Variants in SS18L1 observed in about 807,000 individuals in gnomAD.
SS18L1 encodes SS18L1 subunit of BAF chromatin remodeling complex.
SS18L1 carries 32 observed loss-of-function variants against 70.3 expected under a neutral mutation model. The observed-to-expected ratio is 0.46, with a 90% CI of 0.34 to 0.61. The LOEUF (loss-of-function observed/expected upper bound fraction) is 0.61, where lower values mean the gene tolerates loss of function less well. Ranked by LOEUF, SS18L1 falls within the 20% of genes least tolerant of loss-of-function variation. SS18L1 has a pLI of 0.01. For missense variants in SS18L1, 430 were observed against 542.1 expected, an observed-to-expected ratio of 0.79 and a Z score of 2.05; for synonymous variants, 237 against 229.7, an observed-to-expected ratio of 1.03 and a Z score of -0.29.
rs761829812 is a variant in SS18L1, at chr20:62,174,633, G to T, written c.1153G>T (p.Gly385Cys). 6.2e-7 allele frequency: 1 copy of T among 1,613,630 alleles called. No homozygotes were observed. Among genetic ancestry groups the T allele is most frequent in the Non-Finnish European group, 8.5e-7 (1 of 1,180,036 alleles). ...GTCTGCCCAGCAGCAGCGGCCCTAC[G>T]GCTATGAACAGGCAAGCTTTCTGGA... ...APSAQQQRPY[G>C]YEQGQYGNYQ... The change falls in exon 10 of 11, where the codon GGC (glycine) becomes TGC (cysteine). Residue 385 changes from glycine to cysteine, a missense_variant. By Grantham distance (159) the Gly-to-Cys change is radical (BLOSUM62 -3). Coordinates refer to ENST00000331758, the MANE Select transcript of SS18L1 (RefSeq NM_198935.3). The surrounding 1 kb of genome is among the most constrained non-coding windows in gnomAD (Gnocchi z 4.1).
chr20:62,162,669 A>C, intron 4 of SS18L1, 83 bp from the exon 5 acceptor site: 1 of 1,445,166 alleles, frequency 6.9e-7, no homozygotes, highest in Non-Finnish European at 9.3e-7. Flanking sequence ...AAGTCACTTG[A>C]AGGGAAATTG....
At chr20:62,144,044 G>A (rs1023339421) in intron 1 of SS18L1, among the ~76,000 whole-genome samples, 155 bp downstream of exon 1, 2 of 148,308 alleles carry the variant, frequency 1.3e-5, no homozygotes, top group East Asian at 2.0e-4. Context: ...GCCCTTCCCC[G>A]CGTCCCACGC....
intron 1 of SS18L1, among the ~76,000 whole-genome samples, chr20:62,149,324 C>T (rs1055262100): frequency 1.3e-5 from 2 of 152,226 alleles, no homozygotes; most frequent in African/African-American, 4.8e-5. Context: ...TCCATGTGAT[C>T]ACAAGAGGAG....
intron 7 of SS18L1, 82 bp downstream of exon 7, chr20:62,164,328 T>C (rs1448707387): frequency 1.1e-5 from 14 of 1,324,980 alleles, no homozygotes; most frequent in Non-Finnish European, 1.4e-5. Context: ...GCAAGGAGGG[T>C]GTGGCCACTG....
chr20:62,148,431 G>C (rs1232472873), intron 1 of SS18L1, among the ~76,000 whole-genome samples: 1 of 147,666 alleles, frequency 6.8e-6, no homozygotes, highest in Non-Finnish European at 1.5e-5. Flanking sequence ...TAGGTCAGGT[G>C]AGGGAGGCTT....
intron 8 of SS18L1, among the ~76,000 whole-genome samples, chr20:62,168,643 A>AC (rs11480414): frequency 0.12 from 18,185 of 151,420 alleles, 1,265 homozygotes; most frequent in South Asian, 0.24. Flanking sequence ...ACATAGTAAG[A>AC]CCCCCTCTCT....
intron 1 of SS18L1, among the ~76,000 whole-genome samples, chr20:62,148,384 T>C (rs1394527472): frequency 6.6e-6 from 1 of 150,620 alleles, no homozygotes; most frequent in Non-Finnish European, 1.5e-5. Context: ...CTTGCTGTCT[T>C]AGGTCAGGTG....
In SS18L1 at chr20:62,179,645, C is replaced by T. The variant is rs2057678391; in HGVS notation, c.*437C>T. 2 of 165,388 alleles carry T rather than the reference C, an allele frequency of 1.2e-5. No homozygotes were observed. The highest frequency in any genetic ancestry group is 2.2e-4 in the East Asian group (2 of 8,920). The allele number at this position is 165,388 out of a possible 1,614,324, so 10.2% of individuals were successfully genotyped here. ...GTTGTAGTGTGGGTTGTCAACTTTT[C>T]TTTAACTGGCTACGCCACAGCTGGA... On this transcript the variant is annotated 3_prime_UTR_variant, in exon 11 of 11. Transcript: ENST00000331758.
chr20:62,144,241 G>C (rs1403104507), intron 1 of SS18L1, among the ~76,000 whole-genome samples: 8 of 151,780 alleles, frequency 5.3e-5, no homozygotes, highest in Non-Finnish European at 8.8e-5. Context: ...ACTGTCCTGG[G>C]CTATGCCGGG....
At chr20:62,147,350 G>A (rs757052064) in intron 1 of SS18L1, among the ~76,000 whole-genome samples, 6 of 152,106 alleles carry the variant, frequency 3.9e-5, no homozygotes, top group South Asian at 2.1e-4. Flanking sequence ...ATGTCCCCAC[G>A]GTGGCCCTGG....
Position 62,158,636 on chromosome 20 carries a change from C to A in SS18L1, c.70-36C>A. 6.2e-7 allele frequency: 1 copy of A among 1,607,216 alleles called. No individual in the cohort carries two copies. Among genetic ancestry groups the A allele is most frequent in the Non-Finnish European group, 8.5e-7 (1 of 1,178,492 alleles). On this transcript the variant is annotated intron_variant, in intron 1 of 10. Coordinates refer to ENST00000331758, the MANE Select transcript of SS18L1 (RefSeq NM_198935.3). The surrounding 1 kb of genome is among the most constrained non-coding windows in gnomAD (Gnocchi z 4.5). ...TTCATCCCGAGGGTCAGCGACAGCC[C>A]CGCGTCGGCAGCGCCCGCTCACGCT...
chr20:62,172,474 A>G lies in SS18L1; in HGVS notation c.917-208A>G, dbSNP rs181692884. On this transcript the variant is annotated intron_variant, in intron 8 of 10. Transcript: ENST00000331758. ...CGTTCATCTCTGTCTTAGTTGTCAT[A>G]TTAACCATTTCGTTTCTTAGCTTTC... is the stretch of plus-strand genomic sequence containing the variant. 5.8e-3 allele frequency among the ~76,000 whole-genome samples: 881 copies of G among 152,248 alleles called. 3 individuals carry two copies. Among genetic ancestry groups the G allele is most frequent in the Middle Eastern group, 0.037 (11 of 294 alleles).
intron 8 of SS18L1, among the ~76,000 whole-genome samples, chr20:62,172,078 C>T (rs1009997486): frequency 9.9e-5 from 15 of 151,464 alleles, no homozygotes; most frequent in Admixed American, 4.6e-4. Flanking sequence ...AGGAGAATGG[C>T]GTGAACCCGG....
chr20:62,160,041 A>ACC, intron 3 of SS18L1, 80 bp downstream of exon 3: 5 of 1,407,302 alleles, frequency 3.6e-6, no homozygotes, highest in Non-Finnish European at 4.9e-6. Context: ...TGGGCATGTC[A>ACC]TCTCAGGTAG....
chr20:62,149,788 G>A (rs1042974315), intron 1 of SS18L1, among the ~76,000 whole-genome samples: 3 of 152,218 alleles, frequency 2.0e-5, no homozygotes, highest in African/African-American at 7.2e-5. Context: ...CGGAAAGGGA[G>A]GTGAGGACTC....
chr20:62,152,634 T>C (rs2057154604), intron 1 of SS18L1, among the ~76,000 whole-genome samples: 1 of 151,726 alleles, frequency 6.6e-6, no homozygotes, highest in Non-Finnish European at 1.5e-5. Context: ...TCTAGAACGC[T>C]CCAGGCCGCG....
At position 62,158,567 on chromosome 20, in the gene SS18L1, G is replaced by A. The variant is rs117554927; in HGVS notation, c.70-105G>A. Reference sequence around the variant, plus strand: ...CTGAAATCTGACACGTTTCACGTAAGGGACGCTCAACCTATATGAAAACTA... The same window carrying A: ...CTGAAATCTGACACGTTTCACGTAAAGGACGCTCAACCTATATGAAAACTA... On this transcript the variant is annotated intron_variant, in intron 1 of 10. Coordinates refer to ENST00000331758, the MANE Select transcript of SS18L1 (RefSeq NM_198935.3). The surrounding 1 kb of genome is among the most constrained non-coding windows in gnomAD (Gnocchi z 4.5). 1,750 of 1,498,704 alleles carry A rather than the reference G, an allele frequency of 1.2e-3. 1 individual carries two copies. The highest frequency in any genetic ancestry group is 1.4e-3 in the Non-Finnish European group (1,615 of 1,114,974). The allele number at this position is 1,498,704 out of a possible 1,614,324, so 92.8% of individuals were successfully genotyped here.
chr20:62,150,645 T>A (rs2057112361), intron 1 of SS18L1, among the ~76,000 whole-genome samples: 2 of 72,510 alleles, frequency 2.8e-5, no homozygotes, highest in Non-Finnish European at 4.5e-5. Context: ...TTTTTTTTTT[T>A]TTTTTTTTTT....
intron 1 of SS18L1, among the ~76,000 whole-genome samples, chr20:62,152,471 G>A (rs190113300): frequency 3.6e-4 from 55 of 152,246 alleles, no homozygotes; most frequent in Admixed American, 2.9e-3. Flanking sequence ...TCCCGGTGGC[G>A]TCTCTGGCGC....
Sources: allele counts gnomAD v4.1 joint callset (sites outside exome capture counted in the v4.1 genomes callset), GRCh38; gene constraint gnomAD v4.1.1; non-coding constraint Gnocchi (gnomAD v3.1); transcripts MANE v1.5; gene names NCBI Gene and HGNC (gene_info 2026-07-23, HGNC 2026-07-21).